The following SNAP29 variants were observed in gnomAD, a reference collection of about 807,000 sequenced individuals.
SNAP29 encodes the protein synaptosome associated protein 29.
A neutral mutation model predicts 27.9 loss-of-function variants in SNAP29; 13 were observed. The ratio of observed to expected loss-of-function variants is 0.47; its 90% confidence interval spans 0.30 to 0.74. The LOEUF is 0.74. SNAP29 is among the 30% of genes least tolerant of loss of function. The pLI is 0.06. For missense variants in SNAP29, 368 were observed against 336.5 expected (o/e 1.09, Z -0.73); for synonymous variants, 119 against 127.1 (o/e 0.94, Z 0.43).
At chr22:20,859,665 G>A (rs1928189902) in intron 1 of SNAP29, 2 of 420,190 alleles carry the variant, frequency 4.8e-6, no homozygotes, top group Non-Finnish European at 8.6e-6. Context: ...TGAACAGCAG[G>A]TCCTAGGTTT....
chr22:20,881,184 C>T, intron 3 of SNAP29, 50 bp downstream of exon 3: 1 of 1,350,574 alleles, frequency 7.4e-7, no homozygotes, highest in Non-Finnish European at 1.1e-6. Flanking sequence ...GGGGGGAGAC[C>T]TCTAGGTTTG....
In SNAP29 at chr22:20,870,540, G is replaced by A. The variant is rs752822048; in HGVS notation, c.434+7G>A. 1.2e-6 allele frequency: 2 copies of A among 1,612,812 alleles called. No homozygotes were observed. Among genetic ancestry groups the A allele is most frequent in the South Asian group, 1.1e-5 (1 of 90,912 alleles). On this transcript the variant is annotated splice_region_variant and intron_variant, in intron 2 of 4. Coordinates refer to ENST00000215730, the MANE Select transcript of SNAP29 (RefSeq NM_004782.4). ...CCTCCCAGCCCAACAACAGGTGAGTGCATCTTCTACCATCTGGGTATAAAG... is the reference window on the plus strand; with the variant it reads ...CCTCCCAGCCCAACAACAGGTGAGTACATCTTCTACCATCTGGGTATAAAG...
At chr22:20,875,472 G>C (rs1268003632) in intron 2 of SNAP29, among the ~76,000 whole-genome samples, 1 of 152,196 alleles carries the variant, frequency 6.6e-6, no homozygotes, top group Non-Finnish European at 1.5e-5. Context: ...CAGTCCACAG[G>C]GATGCAGTGG....
In SNAP29 at chr22:20,888,351, A is replaced by T. The variant is rs1056105375; in HGVS notation, c.*515A>T. On this transcript the variant is annotated 3_prime_UTR_variant, in exon 5 of 5. Coordinates refer to ENST00000215730, the MANE Select transcript of SNAP29 (RefSeq NM_004782.4). ...CACACACACACACACACACACACAC[A>T]CACACTCTCTGAGCACATTATCTGT... The T allele has an allele frequency of 2.6e-4, 23 of 88,962 alleles. No individual in the cohort carries two copies. The highest frequency in any genetic ancestry group is 4.7e-4 in the Non-Finnish European group (20 of 42,318). 5.5% of individuals were successfully genotyped at this position (88,962 alleles called of 1,614,324 possible).
chr22:20,861,099 A>G (rs946845537), intron 1 of SNAP29, among the ~76,000 whole-genome samples: 9 of 144,324 alleles, frequency 6.2e-5, no homozygotes, highest in Non-Finnish European at 1.4e-4. Context: ...TGTATCCCTC[A>G]TTGATCCACC....
intron 1 of SNAP29, among the ~76,000 whole-genome samples, chr22:20,866,913 G>T (rs1928472931): frequency 6.6e-6 from 1 of 152,178 alleles, no homozygotes; most frequent in Non-Finnish European, 1.5e-5. Flanking sequence ...GACTCTGTGT[G>T]TGTATGTGTT....
rs1006598562 is a variant in SNAP29, at chr22:20,890,026, T to C, written c.*2190T>C. 5 of 376,418 alleles carry C rather than the reference T, an allele frequency of 1.3e-5. No homozygotes were observed. The highest frequency in any genetic ancestry group is 2.1e-5 in the African/African-American group (1 of 48,186). 23.3% of individuals were successfully genotyped at this position (376,418 alleles called of 1,614,324 possible). ...GGAAATTTGTCTTCGTCTGACATAT[T>C]AGAGGGCCTCGTTTTGTCCTGTTCT... On this transcript the variant is annotated 3_prime_UTR_variant, in exon 5 of 5. Transcript: ENST00000215730.
chr22:20,866,374 G>T (rs1928460355), intron 1 of SNAP29, among the ~76,000 whole-genome samples: 1 of 152,230 alleles, frequency 6.6e-6, no homozygotes, highest in Admixed American at 6.5e-5. Context: ...CCTTGGGAAG[G>T]GAGAGATGGA....
chr22:20,885,524 A>G (rs1928991751), intron 4 of SNAP29, among the ~76,000 whole-genome samples: 1 of 152,152 alleles, frequency 6.6e-6, no homozygotes, highest in South Asian at 2.1e-4. Context: ...AGAGGCGTGA[A>G]AGCCCTTTGT....
intron 2 of SNAP29, among the ~76,000 whole-genome samples, chr22:20,874,043 A>G (rs1405521501): frequency 6.6e-6 from 1 of 150,950 alleles, no homozygotes; most frequent in Non-Finnish European, 1.5e-5. Context: ...TGGGAGGCCA[A>G]GGCCAACGGA....
Position 20,890,096 on chromosome 22 carries a change from C to T in SNAP29, c.*2260C>T, listed in dbSNP as rs534968594. 314 of 395,678 alleles carry T rather than the reference C, an allele frequency of 7.9e-4. 3 individuals carry two copies. The highest frequency in any genetic ancestry group is 5.9e-3 in the African/African-American group (286 of 48,656). The allele number at this position is 395,678 out of a possible 1,614,324, so 24.5% of individuals were successfully genotyped here. ...TACGTCCTGTGCTGAGGGGACTGTC[C>T]GTAAGCTACAGGACAGCGAGCTGGT... is the stretch of plus-strand genomic sequence containing the variant. On this transcript the variant is annotated 3_prime_UTR_variant, in exon 5 of 5. Transcript: ENST00000215730.
rs1287561006 is a variant in SNAP29, at chr22:20,890,285, C to G, written c.*2449C>G. 11 of 398,486 alleles carry G rather than the reference C, an allele frequency of 2.8e-5. No individual in the cohort carries two copies. The highest frequency in any genetic ancestry group is 4.9e-5 in the Non-Finnish European group (11 of 226,078). The allele number at this position is 398,486 out of a possible 1,614,324, so 24.7% of individuals were successfully genotyped here. A position where few individuals can be genotyped will look rare whatever the true frequency, so the allele number is the denominator to read the frequency against. ...GGGATCGACAAAAAAATGCTACCCT[C>G]TAGACTAGACACATTTCATGGAGAC... On this transcript the variant is annotated 3_prime_UTR_variant, in exon 5 of 5. Transcript: ENST00000215730.
rs1236221657 is a variant in SNAP29 at position 20,883,462 on chromosome 22, T to C, written c.521-9T>C. The stretch of plus-strand genomic sequence containing the variant: ...TAACCGCTCTCCTGGTGTTTCCTTC[T>C]AAACTTAGACCCTGTCCCCAGAGGG... On this transcript the variant is annotated splice_polypyrimidine_tract_variant and intron_variant, in intron 3 of 4. Transcript: ENST00000215730. 6.3e-7 allele frequency: 1 copy of C among 1,586,360 alleles called. No homozygotes were observed. The highest frequency in any genetic ancestry group is 8.7e-7 in the Non-Finnish European group (1 of 1,155,230).
intron 1 of SNAP29, among the ~76,000 whole-genome samples, chr22:20,865,426 C>T (rs536768672): frequency 6.6e-6 from 1 of 152,232 alleles, no homozygotes; most frequent in South Asian, 2.1e-4. Flanking sequence ...AGGATGCCTT[C>T]TGAGGATGGG....
intron 1 of SNAP29, among the ~76,000 whole-genome samples, chr22:20,864,005 C>T (rs1488412815): frequency 2.6e-5 from 4 of 152,146 alleles, no homozygotes; most frequent in Non-Finnish European, 4.4e-5. Flanking sequence ...TGCAGCCTGT[C>T]CCCTAATGAT....
intron 1 of SNAP29, among the ~76,000 whole-genome samples, chr22:20,868,824 G>A (rs1294297427): frequency 6.6e-6 from 1 of 152,182 alleles, no homozygotes; most frequent in Admixed American, 6.6e-5. Flanking sequence ...CGTAAATAAA[G>A]GAAAGTGGTA....
intron 2 of SNAP29, among the ~76,000 whole-genome samples, chr22:20,876,943 C>T (rs1443272032): frequency 2.0e-5 from 3 of 152,166 alleles, no homozygotes; most frequent in South Asian, 4.1e-4. Context: ...TCTTGGGAAG[C>T]CCTGTTTGTC....
chr22:20,885,757 G>A (rs58636169), intron 4 of SNAP29, among the ~76,000 whole-genome samples: 4,509 of 152,324 alleles, frequency 0.03, 89 homozygotes, highest in Middle Eastern at 0.065. Flanking sequence ...GGTGGGCCTG[G>A]GCAGAAGGGC....
At chr22:20,868,331 CAT>C (rs1187869384) in intron 1 of SNAP29, among the ~76,000 whole-genome samples, 1 of 152,144 alleles carries the variant, frequency 6.6e-6, no homozygotes, top group Non-Finnish European at 1.5e-5. Flanking sequence ...TAGTGAAAAA[CAT>C]AAACGTTGAA....
Sources: allele counts gnomAD v4.1 joint callset (sites outside exome capture counted in the v4.1 genomes callset), GRCh38; gene constraint gnomAD v4.1.1; transcripts MANE v1.5; gene names NCBI Gene and HGNC (gene_info 2026-07-23, HGNC 2026-07-21).